Variants in ARL8B observed in about 807,000 individuals in gnomAD.
ARL8B encodes the protein ADP-ribosylation factor-like protein 8B.
In ARL8B, 9 loss-of-function variants were observed where a neutral mutation model predicts 30.6. That is an observed-to-expected ratio of 0.29 (90% confidence interval 0.18 to 0.51). ARL8B has a LOEUF of 0.51. Among genes scored for constraint, ARL8B ranks in the 20% least tolerant of loss-of-function variants. The pLI, the probability that ARL8B is intolerant of heterozygous loss-of-function variation, is 0.97. For missense variants in ARL8B, 130 were observed against 227.2 expected, an observed-to-expected ratio of 0.57 and a Z score of 2.75; for synonymous variants, 74 against 76.0, an observed-to-expected ratio of 0.97 and a Z score of 0.14.
At position 5,122,331 on chromosome 3, in the gene ARL8B, C is replaced by G. The variant is rs563298291; in HGVS notation, c.-135C>G. Reference sequence around the variant, plus strand: ...GCTTCCTGGGTCTGGCTGCTGCCGCCCGCCGGTGTCCGCCCGTGTCGCGCC... The same window carrying G: ...GCTTCCTGGGTCTGGCTGCTGCCGCGCGCCGGTGTCCGCCCGTGTCGCGCC... On this transcript the variant is annotated 5_prime_UTR_variant, in exon 1 of 7. Transcript: ENST00000256496. 6.5e-7 allele frequency: 1 copy of G among 1,532,290 alleles called. No individual in the cohort carries two copies. The highest frequency in any genetic ancestry group is 1.4e-5 in the African/African-American group (1 of 72,696). 94.9% of individuals were successfully genotyped at this position (1,532,290 alleles called of 1,614,324 possible).
chr3:5,151,729 C>G (rs375761007), intron 1 of ARL8B, among the ~76,000 whole-genome samples: 3 of 129,168 alleles, frequency 2.3e-5, no homozygotes, highest in East Asian at 2.2e-4. Flanking sequence ...CCACCCCCCC[C>G]CTTGGAGATA....
At chr3:5,149,901 C>G (rs562971113) in intron 1 of ARL8B, among the ~76,000 whole-genome samples, 3 of 152,348 alleles carry the variant, frequency 2.0e-5, no homozygotes, top group Admixed American at 1.3e-4. Flanking sequence ...TAGTCAAGGT[C>G]TTGACCCCAA....
intron 6 of ARL8B, among the ~76,000 whole-genome samples, chr3:5,176,833 C>T (rs1359709025): frequency 6.6e-6 from 1 of 152,134 alleles, no homozygotes; most frequent in Non-Finnish European, 1.5e-5. Context: ...CAGTGGTTCT[C>T]AATGGGGAGC....
chr3:5,163,773 G>A (rs2106567614), intron 1 of ARL8B, among the ~76,000 whole-genome samples: 1 of 152,292 alleles, frequency 6.6e-6, no homozygotes, highest in East Asian at 1.9e-4. Flanking sequence ...GGGAGGCTGA[G>A]GCAGGAGAAT....
At chr3:5,133,230 A>G (rs2054298085) in intron 1 of ARL8B, among the ~76,000 whole-genome samples, 1 of 152,198 alleles carries the variant, frequency 6.6e-6, no homozygotes, top group Non-Finnish European at 1.5e-5. Context: ...TAGATCAGTC[A>G]GCTCCCACAG....
At chr3:5,175,101 A>T (rs567851214) in intron 6 of ARL8B, among the ~76,000 whole-genome samples, 1 of 152,080 alleles carries the variant, frequency 6.6e-6, no homozygotes, top group African/African-American at 2.4e-5. Context: ...CCTATATGTT[A>T]TCAAACTCTT....
At chr3:5,153,228 C>T (rs2054501144) in intron 1 of ARL8B, among the ~76,000 whole-genome samples, 1 of 152,140 alleles carries the variant, frequency 6.6e-6, no homozygotes, top group Admixed American at 6.5e-5. Context: ...TAGGACTTGG[C>T]AGTGTCCCCA....
intron 1 of ARL8B, among the ~76,000 whole-genome samples, chr3:5,126,278 A>T (rs1252326918): frequency 6.6e-6 from 1 of 152,214 alleles, no homozygotes; most frequent in African/African-American, 2.4e-5. Context: ...CCTTTTAAAA[A>T]ATCAGCTGCA....
At chr3:5,137,446 T>G (rs1430190427) in intron 1 of ARL8B, among the ~76,000 whole-genome samples, 2 of 150,610 alleles carry the variant, frequency 1.3e-5, no homozygotes, top group Non-Finnish European at 3.0e-5. Flanking sequence ...TCTTTTTTTT[T>G]TTTTTTTTTG....
chr3:5,154,337 C>CTT (rs34406290), intron 1 of ARL8B, among the ~76,000 whole-genome samples: 72 of 142,708 alleles, frequency 5.0e-4, no homozygotes, highest in East Asian at 1.0e-3. Context: ...GGTAAAATAA[C>CTT]TTTTTTTTTT....
In ARL8B at chr3:5,122,538, C is replaced by T; in HGVS notation, c.73C>T (p.Leu25Phe). 1 of 1,612,906 alleles carries T rather than the reference C, an allele frequency of 6.2e-7. No homozygotes were observed. Among genetic ancestry groups the T allele is most frequent in the Non-Finnish European group, 8.5e-7 (1 of 1,179,500 alleles). Reference protein sequence around the residue: ...LFWKEEMELTLVGLQYSGKTT... With the variant: ...LFWKEEMELTFVGLQYSGKTT... Reference sequence around the variant, plus strand: ...CTGGAAGGAAGAGATGGAGCTGACGCTCGTGGGGCTGCAGTACTCGGGCAA... The same window carrying T: ...CTGGAAGGAAGAGATGGAGCTGACGTTCGTGGGGCTGCAGTACTCGGGCAA... Residue 25 changes from leucine to phenylalanine, a missense_variant, in exon 1 of 7, where the codon CTC (leucine) becomes TTC (phenylalanine). Transcript: ENST00000256496.
intron 1 of ARL8B, among the ~76,000 whole-genome samples, chr3:5,150,454 A>C (rs9713188): frequency 0.42 from 63,214 of 150,140 alleles, 14,858 homozygotes; most frequent in African/African-American, 0.66. Context: ...CAGAGCGAGA[A>C]TCCATGTCAA....
At chr3:5,174,453 A>G in intron 6 of ARL8B, 39 bp downstream of exon 6, 2 of 1,268,262 alleles carry the variant, frequency 1.6e-6, no homozygotes, top group Admixed American at 1.7e-5. Flanking sequence ...AATGGGTATC[A>G]TTGGAAGGAA....
chr3:5,136,378 G>C (rs1271821684), intron 1 of ARL8B, among the ~76,000 whole-genome samples: 1 of 152,136 alleles, frequency 6.6e-6, no homozygotes, highest in East Asian at 1.9e-4. Flanking sequence ...GAAGTGTACT[G>C]TTCCATAAAA....
intron 1 of ARL8B, among the ~76,000 whole-genome samples, chr3:5,142,876 T>G (rs1575563409): frequency 6.6e-6 from 1 of 152,172 alleles, no homozygotes; most frequent in East Asian, 1.9e-4. Flanking sequence ...GCAATGAGTA[T>G]AGGGTTGCGT....
intron 1 of ARL8B, among the ~76,000 whole-genome samples, chr3:5,151,573 A>G (rs1485248776): frequency 6.6e-6 from 1 of 152,202 alleles, no homozygotes; most frequent in East Asian, 1.9e-4. Context: ...TTCTGTGACC[A>G]ATAGATTATA....
At chr3:5,173,131 G>A (rs1013903594) in intron 4 of ARL8B, among the ~76,000 whole-genome samples, 30 of 152,294 alleles carry the variant, frequency 2.0e-4, no homozygotes, top group African/African-American at 6.5e-4. Flanking sequence ...ATTTAGAGGG[G>A]AGATGTGATC....
intron 1 of ARL8B, among the ~76,000 whole-genome samples, chr3:5,164,190 CT>C (rs1457399974): frequency 6.6e-6 from 1 of 152,192 alleles, no homozygotes; most frequent in Non-Finnish European, 1.5e-5. Flanking sequence ...CCCATATGCA[CT>C]TCAAACCTGT....
intron 1 of ARL8B, among the ~76,000 whole-genome samples, chr3:5,150,010 A>G (rs1156496100): frequency 6.6e-6 from 1 of 152,166 alleles, no homozygotes; most frequent in African/African-American, 2.4e-5. Context: ...AGTATCTTAT[A>G]TCATTGTACT....
Sources: allele counts gnomAD v4.1 joint callset (sites outside exome capture counted in the v4.1 genomes callset), GRCh38; gene constraint gnomAD v4.1.1; transcripts MANE v1.5; gene names NCBI Gene and HGNC (gene_info 2026-07-23, HGNC 2026-07-21).